The following CACNA2D3 variants were observed in gnomAD, a reference collection of about 807,000 sequenced individuals.
CACNA2D3 encodes the protein calcium voltage-gated channel auxiliary subunit alpha2delta 3.
CACNA2D3 carries 60 observed loss-of-function variants against 160.6 expected under a neutral mutation model. The observed-to-expected ratio is 0.37, with a 90% CI of 0.30 to 0.46. The LOEUF (loss-of-function observed/expected upper bound fraction) is 0.46. Ranked by LOEUF, CACNA2D3 falls within the 20% of genes least tolerant of loss-of-function variation. The pLI, the probability that CACNA2D3 is intolerant of heterozygous loss-of-function variation, is 1.00. For missense variants in CACNA2D3, 1,205 were observed against 1,365.0 expected (o/e 0.88, Z 1.85); for synonymous variants, 558 against 492.9 (o/e 1.13, Z -1.75).
intron 2 of CACNA2D3, among the ~76,000 whole-genome samples, chr3:54,312,061 T>C (rs1485931461): frequency 6.6e-6 from 1 of 152,112 alleles, no homozygotes; most frequent in Non-Finnish European, 1.5e-5. Context: ...ACTATCCCAG[T>C]GTCAGGGTTA....
chr3:55,033,805 ATGTAT>A (rs1183869980), intron 35 of CACNA2D3, among the ~76,000 whole-genome samples: 1 of 122,382 alleles, frequency 8.2e-6, no homozygotes, highest in Non-Finnish European at 1.6e-5. Context: ...TTTATATAAT[ATGTAT>A]TATATATTAA....
intron 11 of CACNA2D3, among the ~76,000 whole-genome samples, chr3:54,661,444 G>A (rs1172623053): frequency 6.6e-6 from 1 of 152,172 alleles, no homozygotes; most frequent in African/African-American, 2.4e-5. Flanking sequence ...TGTGAGCCAA[G>A]GACATACTTA....
At chr3:54,813,423 C>G (rs1703375669) in intron 13 of CACNA2D3, among the ~76,000 whole-genome samples, 2 of 152,042 alleles carry the variant, frequency 1.3e-5, no homozygotes, top group Admixed American at 1.3e-4. Flanking sequence ...CCAGGGGTCA[C>G]TGAGACATCA....
chr3:54,387,282 A>G (rs558283596), intron 4 of CACNA2D3, among the ~76,000 whole-genome samples: 2 of 152,340 alleles, frequency 1.3e-5, no homozygotes, highest in South Asian at 2.1e-4. Context: ...TGACATGACT[A>G]TGTCTGATAG....
chr3:55,011,937 T>A (rs1344979990), intron 34 of CACNA2D3, among the ~76,000 whole-genome samples: 2 of 151,884 alleles, frequency 1.3e-5, no homozygotes, highest in Non-Finnish European at 2.9e-5. Context: ...AAATGAGATT[T>A]AAAAAAAATA....
chr3:54,574,031 A>G (rs958427227), intron 8 of CACNA2D3, among the ~76,000 whole-genome samples: 1 of 152,186 alleles, frequency 6.6e-6, no homozygotes, highest in African/African-American at 2.4e-5. Context: ...TTGAAACGCC[A>G]TCCAGAACGC....
At chr3:54,132,201 T>C (rs1699726478) in intron 2 of CACNA2D3, among the ~76,000 whole-genome samples, 1 of 152,238 alleles carries the variant, frequency 6.6e-6, no homozygotes, top group Non-Finnish European at 1.5e-5. Flanking sequence ...GGAATGCTAA[T>C]GCTACGTTTG....
rs867309832 is a variant in CACNA2D3 at position 54,350,995 on chromosome 3, T to G, written c.321+30437T>G. On this transcript the variant is annotated intron_variant, in intron 3 of 37. Coordinates refer to ENST00000474759, the MANE Select transcript of CACNA2D3 (RefSeq NM_018398.3). ...TTTTTTTTTTTTGTTTGTTTTTTTT[T>G]TTTTTTTTTTTGAGACAGAGTCTCA... is the stretch of plus-strand genomic sequence containing the variant. Among the ~76,000 whole-genome samples the G allele has an allele frequency of 1.6e-3, 187 of 119,346 alleles. 5 individuals are homozygous for G. The Middle Eastern group carries it at 0.023, about 15-fold the overall frequency. 78.3% of individuals were successfully genotyped at this position (119,346 alleles called of 152,430 possible). A position where few individuals can be genotyped will look rare whatever the true frequency, so the allele number is the denominator to read the frequency against.
At chr3:54,471,667 TAAGAA>T (rs1700733939) in intron 4 of CACNA2D3, among the ~76,000 whole-genome samples, 3 of 149,938 alleles carry the variant, frequency 2.0e-5, no homozygotes, top group African/African-American at 2.5e-5. Context: ...GACTAATAAA[TAAGAA>T]AAGAGAGAAG....
At chr3:54,695,268 A>C (rs1319128336) in intron 11 of CACNA2D3, among the ~76,000 whole-genome samples, 4 of 152,094 alleles carry the variant, frequency 2.6e-5, no homozygotes, top group South Asian at 2.1e-4. Flanking sequence ...TCCACCTGCT[A>C]CAGCCTCCCA....
intron 4 of CACNA2D3, among the ~76,000 whole-genome samples, chr3:54,406,844 GTAAC>G (rs1053242579): frequency 2.7e-4 from 41 of 152,074 alleles, no homozygotes; most frequent in African/African-American, 9.2e-4. Context: ...AGGGGGATGG[GTAAC>G]TACGTGAGCT....
rs533033807 is a variant in CACNA2D3 at position 54,309,781 on chromosome 3, G to C, written c.205-10661G>C. Among the ~76,000 whole-genome samples the C allele has an allele frequency of 3.3e-5, 5 of 151,918 alleles. No individual in the cohort carries two copies. In the South Asian group the frequency reaches 1.0e-3, roughly 32 times the overall value. ...ACGCTGAGGAAACTCTGTTGCTTTC[G>C]ATATTGGTTCATTTCCATGCTTCTC... On this transcript the variant is annotated intron_variant, in intron 2 of 37. Transcript: ENST00000474759.
chr3:54,197,033 C>G (rs1298350615), intron 2 of CACNA2D3, among the ~76,000 whole-genome samples: 3 of 152,050 alleles, frequency 2.0e-5, no homozygotes, highest in African/African-American at 7.2e-5. Flanking sequence ...ATTTATTACA[C>G]AAAGGGACAA....
chr3:54,672,730 C>A (rs1039964879), intron 11 of CACNA2D3, among the ~76,000 whole-genome samples: 2 of 152,180 alleles, frequency 1.3e-5, no homozygotes, highest in Non-Finnish European at 2.9e-5. Flanking sequence ...GTGCAAGACA[C>A]ATAAGGGATC....
intron 2 of CACNA2D3, among the ~76,000 whole-genome samples, chr3:54,222,527 A>T (rs558865509): frequency 2.0e-4 from 31 of 152,242 alleles, no homozygotes; most frequent in Non-Finnish European, 4.0e-4. Flanking sequence ...GAGTCTGCTG[A>T]GTCAATGTTG....
intron 2 of CACNA2D3, among the ~76,000 whole-genome samples, chr3:54,153,493 G>A (rs886859198): frequency 1.3e-5 from 2 of 152,178 alleles, no homozygotes; most frequent in South Asian, 2.1e-4. Flanking sequence ...GTTAGGCACC[G>A]TGCTCATGTT....
At chr3:54,260,549 T>G (rs1702384660) in intron 2 of CACNA2D3, among the ~76,000 whole-genome samples, 1 of 152,100 alleles carries the variant, frequency 6.6e-6, no homozygotes, top group African/African-American at 2.4e-5. Context: ...TAATCCTAAT[T>G]ACTTCTCAAA....
chr3:54,808,770 C>A (rs1444275659), intron 13 of CACNA2D3, among the ~76,000 whole-genome samples: 1 of 152,020 alleles, frequency 6.6e-6, no homozygotes, highest in Admixed American at 6.6e-5. Context: ...TTGCTCAGAC[C>A]CTATCATTTC....
intron 9 of CACNA2D3, among the ~76,000 whole-genome samples, chr3:54,610,783 C>T (rs1031654370): frequency 6.6e-6 from 1 of 152,168 alleles, no homozygotes; most frequent in Non-Finnish European, 1.5e-5. Flanking sequence ...ACATCCGCCA[C>T]CATGCCCGGC....
Sources: gnomAD v4.1 joint callset for allele counts (sites outside exome capture counted in the v4.1 genomes callset) on GRCh38, gnomAD v4.1.1 for gene constraint, MANE v1.5 for transcripts, NCBI Gene and HGNC (gene_info 2026-07-23, HGNC 2026-07-21) for gene names.